ZBTB34: variants seen among roughly 807,000 people sequenced by gnomAD.
ZBTB34 encodes zinc finger and BTB domain containing 34.
A neutral mutation model predicts 33.4 loss-of-function variants in ZBTB34; 1 was observed. The ratio of observed to expected loss-of-function variants is 0.03; its 90% CI spans 0.01 to 0.14. The LOEUF (loss-of-function observed/expected upper bound fraction) is 0.14. Ranked by LOEUF, ZBTB34 falls within the 10% of genes least tolerant of loss-of-function variation. The pLI is 1.00. For synonymous variants in ZBTB34, 283 were observed against 253.5 expected (o/e 1.12, Z -1.11); for missense variants, 406 against 657.2 (o/e 0.62, Z 4.18).
At chr9:126,876,970 G>A (rs959171553) in intron 1 of ZBTB34, among the ~76,000 whole-genome samples, 7 of 152,088 alleles carry the variant, frequency 4.6e-5, no homozygotes, top group African/African-American at 1.7e-4. Flanking sequence ...TTAGTTGCAC[G>A]TTGTCTTGTC....
At chr9:126,872,312 T>C (rs534596166) in intron 1 of ZBTB34, among the ~76,000 whole-genome samples, 2 of 152,308 alleles carry the variant, frequency 1.3e-5, no homozygotes, top group East Asian at 3.9e-4. Context: ...TAGGGAGCTA[T>C]AGCTATAGGG....
chr9:126,866,142 G>A (rs921652482), intron 1 of ZBTB34, among the ~76,000 whole-genome samples: 2 of 150,268 alleles, frequency 1.3e-5, no homozygotes, highest in African/African-American at 2.5e-5. Flanking sequence ...TTCCCTCCCC[G>A]AGTAACCTCA....
intron 1 of ZBTB34, among the ~76,000 whole-genome samples, chr9:126,870,292 G>A (rs556805556): frequency 5.3e-5 from 8 of 152,292 alleles, no homozygotes; most frequent in Admixed American, 4.6e-4. Flanking sequence ...TCTGAGTGGG[G>A]AGGAATCTGC....
chr9:126,876,592 A>G (rs2033367094), intron 1 of ZBTB34, among the ~76,000 whole-genome samples: 1 of 152,106 alleles, frequency 6.6e-6, no homozygotes, highest in African/African-American at 2.4e-5. Context: ...TTTAAAATCT[A>G]TTTATTTAGA....
chr9:126,864,651 A>G (rs527534869), intron 1 of ZBTB34, among the ~76,000 whole-genome samples: 1 of 149,322 alleles, frequency 6.7e-6, no homozygotes, highest in Non-Finnish European at 1.5e-5. Flanking sequence ...CATTTTATTT[A>G]TTTTTTTTTT....
chr9:126,871,180 GGGGTGTGTGTGTGT>G (rs1165697960), intron 1 of ZBTB34, among the ~76,000 whole-genome samples: 2 of 69,076 alleles, frequency 2.9e-5, no homozygotes, highest in African/African-American at 1.6e-4. Context: ...GTAAGTGAGG[GGGGTGTGTGTGTGT>G]GTGTGTGTGT....
chr9:126,868,968 G>A (rs1044500753), intron 1 of ZBTB34, among the ~76,000 whole-genome samples: 7 of 151,810 alleles, frequency 4.6e-5, no homozygotes, highest in Non-Finnish European at 7.4e-5. Flanking sequence ...CGGTGGCCGC[G>A]GGGCCCACCT....
At chr9:126,877,727 G>C (rs1161378031) in intron 1 of ZBTB34, among the ~76,000 whole-genome samples, 1 of 152,206 alleles carries the variant, frequency 6.6e-6, no homozygotes, top group Non-Finnish European at 1.5e-5. Context: ...TGTCTTGGCA[G>C]AGCGCGGTGG....
intron 1 of ZBTB34, among the ~76,000 whole-genome samples, chr9:126,878,720 T>G (rs1425900091): frequency 1.3e-5 from 2 of 151,430 alleles, no homozygotes; most frequent in Non-Finnish European, 2.9e-5. Flanking sequence ...GTTTTGTTTT[T>G]GTTTTGTTTT....
intron 1 of ZBTB34, among the ~76,000 whole-genome samples, chr9:126,870,325 A>G (rs2033260969): frequency 6.6e-6 from 1 of 152,236 alleles, no homozygotes; most frequent in Admixed American, 6.5e-5. Flanking sequence ...TCAAACTGCA[A>G]GACTGGGACT....
exon 2 of ZBTB34, chr9:126,881,980 T>C (rs2033448840): frequency 6.0e-6 from 1 of 166,812 alleles, no homozygotes; most frequent in South Asian, 2.1e-4. Flanking sequence ...TTTTTCTTTC[T>C]CTTTTCAAAC....
rs368906895 is a variant in ZBTB34, at chr9:126,880,458, C to T, written c.1059C>T (p.Asn353=). 44 of 1,613,610 alleles carry T rather than the reference C, an allele frequency of 2.7e-5. No homozygotes were observed. In the Middle Eastern group the frequency reaches 8.2e-4, roughly 30 times the overall value. Reference sequence around the variant, plus strand: ...CTGACAGTGAAGCCATGATGAACAACCCCGGGTATGAGAGCAGTCCCCGGG... The same window carrying T: ...CTGACAGTGAAGCCATGATGAACAATCCCGGGTATGAGAGCAGTCCCCGGG... Residue 353 remains asparagine, a synonymous_variant, in exon 2 of 2, where the codon AAC becomes AAT. Coordinates refer to ENST00000319119, the Ensembl canonical transcript of ZBTB34. This position sits in a 1 kb window ranked among gnomAD's most constrained non-coding sequence, Gnocchi z 6.7.
At chr9:126,875,073 T>G (rs2033337401) in intron 1 of ZBTB34, among the ~76,000 whole-genome samples, 1 of 152,214 alleles carries the variant, frequency 6.6e-6, no homozygotes, top group African/African-American at 2.4e-5. Flanking sequence ...CTATCCAGTT[T>G]GGTGGCCACT....
chr9:126,871,641 C>T (rs904052854), intron 1 of ZBTB34, among the ~76,000 whole-genome samples: 2 of 151,836 alleles, frequency 1.3e-5, no homozygotes, highest in Non-Finnish European at 2.9e-5. Flanking sequence ...AAATAGATTT[C>T]TTTAAAGTAG....
At chr9:126,867,559 C>G (rs1471538989) in intron 1 of ZBTB34, among the ~76,000 whole-genome samples, 1 of 143,470 alleles carries the variant, frequency 7.0e-6, no homozygotes, top group Non-Finnish European at 1.5e-5. Flanking sequence ...GAAAGTAGTT[C>G]TTTGTCAAAT....
intron 1 of ZBTB34, among the ~76,000 whole-genome samples, chr9:126,865,036 C>A (rs535309348): frequency 4.6e-5 from 7 of 152,180 alleles, no homozygotes; most frequent in African/African-American, 1.7e-4. Context: ...ATAATGGGTA[C>A]CTCCTGGTGC....
rs1430714254 is a variant in ZBTB34 at position 126,870,412 on chromosome 9, G to A, written c.-10-8978G>A. Among the ~76,000 whole-genome samples the A allele has an allele frequency of 1.1e-4, 17 of 152,108 alleles. 1 individual carries two copies. The highest frequency in any genetic ancestry group is 1.1e-3 in the Admixed American group (17 of 15,262). On this transcript the variant is annotated intron_variant, in intron 1 of 1. Transcript: ENST00000319119. ...TGAGTGAATATTTCCTATAAATGTA[G>A]GAAAAATAATTTAAATTCCCAGTCA...
At chr9:126,865,381 C>T (rs568094871) in intron 1 of ZBTB34, among the ~76,000 whole-genome samples, 13 of 152,344 alleles carry the variant, frequency 8.5e-5, no homozygotes, top group Non-Finnish European at 1.2e-4. Context: ...GAGCTCACCG[C>T]CAGGAGTGGA....
chr9:126,880,165 C>G lies in ZBTB34; in HGVS notation c.766C>G (p.Leu256Val). Residue 256 changes from leucine to valine, a missense_variant, in exon 2 of 2, where the codon CTG (leucine) becomes GTG (valine). Leu to Val is a conservative substitution (Grantham distance 32). Transcript: ENST00000319119. The surrounding 1 kb of genome is among the most constrained non-coding windows in gnomAD (Gnocchi z 6.7). ...GCCCAGCTGTTCCGACAGCTCCTCCCTGGGTGACGATGGGTACCACACCGA... is the reference window on the plus strand; with the variant it reads ...GCCCAGCTGTTCCGACAGCTCCTCCGTGGGTGACGATGGGTACCACACCGA... 1.9e-6 allele frequency: 3 copies of G among 1,613,792 alleles called. No individual in the cohort carries two copies. The highest frequency in any genetic ancestry group is 2.5e-6 in the Non-Finnish European group (3 of 1,179,882).
Sources: allele counts gnomAD v4.1 joint callset (sites outside exome capture counted in the v4.1 genomes callset), GRCh38; gene constraint gnomAD v4.1.1; non-coding constraint Gnocchi (gnomAD v3.1); transcripts MANE v1.5; gene names NCBI Gene and HGNC (gene_info 2026-07-23, HGNC 2026-07-21).